The following PLCB4 variants were observed in gnomAD, a reference collection of about 807,000 sequenced individuals.
PLCB4 encodes the protein 1-phosphatidylinositol 4,5-bisphosphate phosphodiesterase beta-4.
In PLCB4, 77 loss-of-function variants were observed where a neutral mutation model predicts 178.8. The ratio of observed to expected loss-of-function variants is 0.43; its 90% CI spans 0.36 to 0.52. The LOEUF (loss-of-function observed/expected upper bound fraction) is 0.52, where lower values mean the gene tolerates loss of function less well. Among genes scored for constraint, PLCB4 ranks in the 20% least tolerant of loss-of-function variants. The pLI, the probability that PLCB4 is intolerant of heterozygous loss-of-function variation, is 0.00. For synonymous variants in PLCB4, 496 were observed against 490.8 expected, an observed-to-expected ratio of 1.01 and a Z score of -0.14; for missense variants, 1,024 against 1,453.4, an observed-to-expected ratio of 0.70 and a Z score of 4.80.
At chr20:9,093,189 C>T (rs2090758883) in intron 1 of PLCB4, among the ~76,000 whole-genome samples, 1 of 152,154 alleles carries the variant, frequency 6.6e-6, no homozygotes, top group South Asian at 2.1e-4. Context: ...TGTAAAATAT[C>T]TAAGTATGGT....
chr20:9,222,466 C>A (rs2093812009), intron 3 of PLCB4, among the ~76,000 whole-genome samples: 1 of 152,156 alleles, frequency 6.6e-6, no homozygotes. Flanking sequence ...CCAGCCAACA[C>A]TGTCCAATAG....
At chr20:9,248,674 A>G (rs2094149307) in intron 3 of PLCB4, among the ~76,000 whole-genome samples, 1 of 152,202 alleles carries the variant, frequency 6.6e-6, no homozygotes, top group Admixed American at 6.5e-5. Flanking sequence ...CTCTTTTAAC[A>G]CACTGAGAAC....
intron 21 of PLCB4, among the ~76,000 whole-genome samples, chr20:9,405,938 G>C (rs1683078661): frequency 6.6e-6 from 1 of 152,128 alleles, no homozygotes. Context: ...CTGCCTTGCT[G>C]CCTGTGGGGT....
chr20:9,473,239 C>T, intron 37 of PLCB4, 40 bp from the exon 38 acceptor site: 1 of 1,319,842 alleles, frequency 7.6e-7, no homozygotes, highest in Non-Finnish European at 1.0e-6. Context: ...GATTGTAACC[C>T]AAAGTTCAAT....
chr20:9,180,539 C>G (rs2093228654), intron 2 of PLCB4, among the ~76,000 whole-genome samples: 1 of 152,150 alleles, frequency 6.6e-6, no homozygotes, highest in Non-Finnish European at 1.5e-5. Flanking sequence ...TTTAGCATGG[C>G]TGGTGTTACA....
chr20:9,111,158 T>C (rs189449427), intron 2 of PLCB4, among the ~76,000 whole-genome samples: 191 of 152,310 alleles, frequency 1.3e-3, no homozygotes, highest in Non-Finnish European at 2.1e-3. Context: ...ATGAGCTTCC[T>C]GAAAGGGCTC....
intron 35 of PLCB4, among the ~76,000 whole-genome samples, chr20:9,465,053 C>T (rs1246171774): frequency 6.6e-6 from 1 of 152,158 alleles, no homozygotes; most frequent in Non-Finnish European, 1.5e-5. Flanking sequence ...TACTGGCAAA[C>T]CAAATCCAGC....
chr20:9,391,191 AT>A (rs2038111074), intron 17 of PLCB4, among the ~76,000 whole-genome samples: 1 of 152,190 alleles, frequency 6.6e-6, no homozygotes, highest in South Asian at 2.1e-4. Context: ...AAACCTGCTA[AT>A]TTCTTCATAA....
chr20:9,200,458 C>T (rs528448126), intron 2 of PLCB4, among the ~76,000 whole-genome samples: 2 of 152,250 alleles, frequency 1.3e-5, no homozygotes, highest in African/African-American at 4.8e-5. Context: ...CTTGCCCTGC[C>T]GTAGTCAGTT....
intron 3 of PLCB4, among the ~76,000 whole-genome samples, chr20:9,227,500 T>C (rs1184633561): frequency 6.6e-6 from 1 of 152,136 alleles, no homozygotes; most frequent in Non-Finnish European, 1.5e-5. Flanking sequence ...ATCCTGAATA[T>C]GATGTGAGGT....
At chr20:9,221,061 C>A (rs1310190493) in intron 3 of PLCB4, among the ~76,000 whole-genome samples, 1 of 152,052 alleles carries the variant, frequency 6.6e-6, no homozygotes, top group Non-Finnish European at 1.5e-5. Context: ...AGGATTTCTG[C>A]ACAAGTGGTT....
intron 3 of PLCB4, among the ~76,000 whole-genome samples, chr20:9,288,003 G>T (rs548853175): frequency 6.6e-6 from 1 of 152,190 alleles, no homozygotes; most frequent in African/African-American, 2.4e-5. Flanking sequence ...TGGTTCTATT[G>T]CAGCTCCACC....
chr20:9,359,030 G>A (rs1273649872), intron 7 of PLCB4, among the ~76,000 whole-genome samples: 1 of 152,138 alleles, frequency 6.6e-6, no homozygotes, highest in Non-Finnish European at 1.5e-5. Flanking sequence ...TTCCTATGAA[G>A]CATATTTAAA....
intron 2 of PLCB4, among the ~76,000 whole-genome samples, chr20:9,200,679 G>A (rs1313438609): frequency 6.6e-6 from 1 of 152,040 alleles, no homozygotes; most frequent in East Asian, 1.9e-4. Context: ...CTTCACCCTT[G>A]CAGAATACAG....
intron 2 of PLCB4, among the ~76,000 whole-genome samples, chr20:9,126,987 C>T (rs998232869): frequency 6.6e-6 from 1 of 152,120 alleles, no homozygotes; most frequent in Non-Finnish European, 1.5e-5. Flanking sequence ...TCATAAGTCA[C>T]ATACTTACAT....
intron 1 of PLCB4, among the ~76,000 whole-genome samples, chr20:9,083,527 G>A (rs1350836586): frequency 2.0e-5 from 3 of 152,092 alleles, no homozygotes; most frequent in South Asian, 2.1e-4. Context: ...CTTTAACACC[G>A]GGCCCCTAAC....
chr20:9,085,744 C>A (rs2090379158), intron 1 of PLCB4, among the ~76,000 whole-genome samples: 1 of 152,122 alleles, frequency 6.6e-6, no homozygotes. Context: ...AAGAGAAAGA[C>A]CAGCGTGATT....
chr20:9,209,463 T>C (rs2093649334), intron 2 of PLCB4, among the ~76,000 whole-genome samples: 1 of 152,024 alleles, frequency 6.6e-6, no homozygotes, highest in South Asian at 2.1e-4. Context: ...GTGATTAAGT[T>C]ATGTTACATG....
chr20:9,180,240 A>G (rs1040377435), intron 2 of PLCB4, among the ~76,000 whole-genome samples: 3 of 152,196 alleles, frequency 2.0e-5, no homozygotes, highest in Non-Finnish European at 2.9e-5. Flanking sequence ...ATGGATAGTA[A>G]TTATTATGGA....
Sources: allele counts gnomAD v4.1 joint callset (sites outside exome capture counted in the v4.1 genomes callset), GRCh38; gene constraint gnomAD v4.1.1; transcripts MANE v1.5; gene names NCBI Gene and HGNC (gene_info 2026-07-23, HGNC 2026-07-21).